ZNF3: variants seen among roughly 807,000 people sequenced by gnomAD.
ZNF3 encodes zinc finger protein 3.
In ZNF3, 16 loss-of-function variants were observed where a neutral mutation model predicts 36.9. The ratio of observed to expected loss-of-function variants is 0.43; its 90% confidence interval spans 0.29 to 0.66. ZNF3 has a LOEUF of 0.66. Ranked by LOEUF, ZNF3 falls within the 30% of genes least tolerant of loss-of-function variation. ZNF3 has a pLI of 0.13. For missense variants in ZNF3, 462 were observed against 543.1 expected, an observed-to-expected ratio of 0.85 and a Z score of 1.48; for synonymous variants, 201 against 201.9, an observed-to-expected ratio of 1.00 and a Z score of 0.04.
rs1222823602 is a variant in ZNF3, at chr7:100,077,751, C to T, written c.-76-318G>A. 6 of 159,064 alleles carry T rather than the reference C, an allele frequency of 3.8e-5. No homozygotes were observed. The South Asian group carries it at 5.1e-4, about 14-fold the overall frequency. The allele number at this position is 159,064 out of a possible 1,614,324, so 9.9% of individuals were successfully genotyped here. Reference sequence around the variant, plus strand: ...TAAATTTTCTTTATTTTTTTTAAGACGGAATTTCACTCTTGTCACCCAGGC... The same window carrying T: ...TAAATTTTCTTTATTTTTTTTAAGATGGAATTTCACTCTTGTCACCCAGGC... On this transcript the variant is annotated intron_variant, in intron 2 of 5. Coordinates refer to ENST00000299667, the MANE Select transcript of ZNF3 (RefSeq NM_032924.5).
At chr7:100,075,406 A>G (rs1584438902) in intron 4 of ZNF3, 136 bp downstream of exon 4, 5 of 1,523,482 alleles carry the variant, frequency 3.3e-6, no homozygotes, top group East Asian at 2.3e-5. Context: ...CAGGAGTCCA[A>G]GATAGAAGGT....
In ZNF3 at chr7:100,071,829, G is replaced by A. The variant is rs1347402343; in HGVS notation, c.655C>T (p.Gln219Ter). The change falls in exon 6 of 6, where the codon CAG becomes TAG. Residue 219 changes from glutamine to a stop codon, truncating the protein, a stop_gained. Transcript: ENST00000299667. LOFTEE classifies it high-confidence loss of function. Reference protein sequence around the residue: ...FNRTSDLIQHQRIHTGEKPYE... With the variant: ...FNRTSDLIQH ...GGCTTTTCCCCAGTGTGGATTCTCT[G>A]ATGTTGAATAAGGTCTGAAGTTCGA... 6.2e-7 allele frequency: 1 copy of A among 1,613,820 alleles called. No homozygotes were observed. Among genetic ancestry groups the A allele is most frequent in the Non-Finnish European group, 8.5e-7 (1 of 1,179,864 alleles).
chr7:100,065,504 G>A (rs1055408618), downstream of ZNF3, among the ~76,000 whole-genome samples: 4 of 151,942 alleles, frequency 2.6e-5, no homozygotes, highest in East Asian at 3.9e-4. Context: ...GAACTGTGCC[G>A]GCACAGCTGT....
chr7:100,073,693 C>T (rs1158908432), intron 5 of ZNF3, among the ~76,000 whole-genome samples: 1 of 151,928 alleles, frequency 6.6e-6, no homozygotes, highest in Non-Finnish European at 1.5e-5. Context: ...AGCAGGGGCA[C>T]TAGGTCCTGA....
At chr7:100,074,564 G>A (rs1202143930) in intron 5 of ZNF3, among the ~76,000 whole-genome samples, 5 of 152,252 alleles carry the variant, frequency 3.3e-5, no homozygotes, top group South Asian at 2.1e-4. Context: ...GAGCCACCTC[G>A]CCTGGACTAC....
Position 100,070,912 on chromosome 7 carries a change from G to A in ZNF3, c.*231C>T, listed in dbSNP as rs142083873. ...AGTGCAAACTCCTTTCCTAAATGGG[G>A]TAACTGGTCCCAGAGCTGCTTTCTA... On this transcript the variant is annotated 3_prime_UTR_variant, in exon 6 of 6. Coordinates refer to ENST00000299667, the MANE Select transcript of ZNF3 (RefSeq NM_032924.5). The A allele has an allele frequency of 4.5e-6, 6 of 1,325,964 alleles. No individual in the cohort carries two copies. The East Asian group carries it at 1.7e-4, about 38-fold the overall frequency. The allele number at this position is 1,325,964 out of a possible 1,614,324, so 82.1% of individuals were successfully genotyped here.
chr7:100,074,301 G>A (rs1312271345), intron 5 of ZNF3, among the ~76,000 whole-genome samples: 2 of 152,124 alleles, frequency 1.3e-5, no homozygotes, highest in Non-Finnish European at 2.9e-5. Context: ...TTGAGACAGG[G>A]TCTGTGTCAC....
At chr7:100,075,747 T>C in intron 3 of ZNF3, 117 bp from the exon 4 acceptor site, 1 of 884,574 alleles carries the variant, frequency 1.1e-6, no homozygotes, top group Non-Finnish European at 1.8e-6. Flanking sequence ...GGACCCTCTC[T>C]CTCACATTTC....
At chr7:100,073,354 T>C (rs28592636) in intron 5 of ZNF3, among the ~76,000 whole-genome samples, 1 of 152,128 alleles carries the variant, frequency 6.6e-6, no homozygotes, top group African/African-American at 2.4e-5. Flanking sequence ...TTTCTTTTTT[T>C]GTTTTTGTTT....
intron 5 of ZNF3, among the ~76,000 whole-genome samples, chr7:100,073,911 T>C (rs1793638894): frequency 6.6e-6 from 1 of 151,828 alleles, no homozygotes; most frequent in Non-Finnish European, 1.5e-5. Context: ...ATCTCAGCAC[T>C]TTGGGAGGCC....
downstream of ZNF3, among the ~76,000 whole-genome samples, chr7:100,065,560 C>T (rs375141886): frequency 4.5e-4 from 68 of 152,022 alleles, no homozygotes; most frequent in African/African-American, 1.5e-3. Flanking sequence ...CACAACTCGT[C>T]GGTTTTTTAC....
At chr7:100,078,337 A>T (rs1041482876) in intron 2 of ZNF3, among the ~76,000 whole-genome samples, 1 of 151,408 alleles carries the variant, frequency 6.6e-6, no homozygotes, top group Non-Finnish European at 1.5e-5. Context: ...TCTACTAAAA[A>T]TACAAAAAAT....
chr7:100,075,678 C>G, intron 3 of ZNF3, 48 bp from the exon 4 acceptor site: 2 of 1,581,790 alleles, frequency 1.3e-6, no homozygotes, highest in Non-Finnish European at 1.7e-6. Flanking sequence ...TGCTCTGTGA[C>G]CTCCCAACCT....
intron 5 of ZNF3, among the ~76,000 whole-genome samples, chr7:100,073,898 G>A (rs1232080292): frequency 1.3e-5 from 2 of 151,692 alleles, no homozygotes; most frequent in Non-Finnish European, 2.9e-5. Flanking sequence ...GCTCATGCCT[G>A]TAATCTCAGC....
At chr7:100,074,640 A>G (rs1365953118) in intron 5 of ZNF3, among the ~76,000 whole-genome samples, 1 of 152,238 alleles carries the variant, frequency 6.6e-6, no homozygotes, top group African/African-American at 2.4e-5. Context: ...GTTACTGTGA[A>G]GATTAAATGA....
downstream of ZNF3, among the ~76,000 whole-genome samples, chr7:100,069,420 T>G (rs1792811522): frequency 6.6e-6 from 1 of 152,016 alleles, no homozygotes; most frequent in African/African-American, 2.4e-5. Flanking sequence ...GGCGTGGTGG[T>G]GCACACCTGT....
In ZNF3 at chr7:100,072,085, T is replaced by G; in HGVS notation, c.399A>C (p.Glu133Asp). Residue 133 changes from glutamate (E) to aspartate (D), a missense_variant, in exon 6 of 6, where the codon GAA becomes GAC. Coordinates refer to ENST00000299667, the MANE Select transcript of ZNF3 (RefSeq NM_032924.5). ...GLKFKEAYER[E>D]VSLKRPLGNS... ...TCCCCAGCGGCCTTTTCAGACTGACTTCTCGTTCATAGGCTTCTTTAAACT... is the reference window on the plus strand; with the variant it reads ...TCCCCAGCGGCCTTTTCAGACTGACGTCTCGTTCATAGGCTTCTTTAAACT... The G allele has an allele frequency of 6.2e-7, 1 of 1,614,236 alleles. No individual in the cohort carries two copies. The highest frequency in any genetic ancestry group is 8.5e-7 in the Non-Finnish European group (1 of 1,180,046).
At chr7:100,080,383 C>T (rs892044632) in intron 1 of ZNF3, among the ~76,000 whole-genome samples, 1 of 152,118 alleles carries the variant, frequency 6.6e-6, no homozygotes, top group African/African-American at 2.4e-5. Flanking sequence ...AACCCCAGCA[C>T]TTTAGGAGGC....
At chr7:100,076,994 C>T (rs992561821) in intron 3 of ZNF3, 6 of 222,280 alleles carry the variant, frequency 2.7e-5, no homozygotes, top group South Asian at 2.5e-4. Flanking sequence ...TCACTTGAAC[C>T]CAGGAGGCGG....
Sources: gnomAD v4.1 joint callset for allele counts (sites outside exome capture counted in the v4.1 genomes callset) on GRCh38, gnomAD v4.1.1 for gene constraint, MANE v1.5 for transcripts, NCBI Gene and HGNC (gene_info 2026-07-23, HGNC 2026-07-21) for gene names.